RIC3: variants seen among roughly 807,000 people sequenced by gnomAD.
RIC3 encodes RIC3 acetylcholine receptor chaperone.
In RIC3, 28 loss-of-function variants were observed where a neutral mutation model predicts 27.3. That is an observed-to-expected ratio of 1.02 (90% CI 0.76 to 1.41). The LOEUF is 1.41. Among genes scored for constraint, RIC3 ranks in the 40% most tolerant of loss-of-function variants. The probability of loss-of-function intolerance (pLI) is 0.00; values close to 1 mark genes in which losing one functional copy is unlikely to be tolerated. For synonymous variants in RIC3, 184 were observed against 160.4 expected (o/e 1.15, Z -1.11); for missense variants, 501 against 444.7 (o/e 1.13, Z -1.14).
chr11:8,119,640 G>A (rs924543837), intron 5 of RIC3, among the ~76,000 whole-genome samples: 2 of 152,122 alleles, frequency 1.3e-5, no homozygotes, highest in African/African-American at 4.8e-5. Context: ...CATAGGCAAG[G>A]ACTTCATGAC....
At chr11:8,125,338 T>C (rs1395867223) in intron 5 of RIC3, among the ~76,000 whole-genome samples, 1 of 151,632 alleles carries the variant, frequency 6.6e-6, no homozygotes, top group Non-Finnish European at 1.5e-5. Flanking sequence ...CTTTGAAAGA[T>C]GCTGTTAAGA....
chr11:8,154,411 A>G (rs1950493593), intron 1 of RIC3, among the ~76,000 whole-genome samples: 1 of 152,230 alleles, frequency 6.6e-6, no homozygotes, highest in African/African-American at 2.4e-5. Context: ...GTTGCACAAC[A>G]GTGTGAATGT....
intron 1 of RIC3, among the ~76,000 whole-genome samples, chr11:8,163,198 T>C (rs75933020): frequency 0.013 from 1,948 of 152,132 alleles, 49 homozygotes; most frequent in African/African-American, 0.045. Context: ...CATCTCATAA[T>C]CATCTCAACA....
chr11:8,101,829 TGAAGGGATGAGAA>T, downstream of RIC3: 1 of 720,860 alleles, frequency 1.4e-6, no homozygotes, highest in Non-Finnish European at 2.2e-6. Flanking sequence ...TGGGTGGGTG[TGAAGGGATGAGAA>T]TAATTCTTTC....
chr11:8,099,725 T>C, the RIC3 span, among the ~76,000 whole-genome samples: 2 of 152,128 alleles, frequency 1.3e-5, no homozygotes, highest in Non-Finnish European at 2.9e-5. Flanking sequence ...AGATAAGAAA[T>C]GTCAAGGTAT....
At chr11:8,140,369 C>A (rs1948915100) in intron 1 of RIC3, among the ~76,000 whole-genome samples, 176 bp from the exon 2 acceptor site, 1 of 152,116 alleles carries the variant, frequency 6.6e-6, no homozygotes, top group Non-Finnish European at 1.5e-5. Flanking sequence ...ATGTGATCAT[C>A]TCTAGCTGTT....
At chr11:8,131,771 C>T (rs1947750877) in intron 4 of RIC3, among the ~76,000 whole-genome samples, 1 of 151,664 alleles carries the variant, frequency 6.6e-6, no homozygotes, top group African/African-American at 2.4e-5. Context: ...CGTGGTGGCA[C>T]ATGCCTGTAG....
chr11:8,122,094 C>CT (rs1246041207), intron 5 of RIC3, among the ~76,000 whole-genome samples: 5 of 152,114 alleles, frequency 3.3e-5, no homozygotes, highest in Admixed American at 1.3e-4. Context: ...CCCATGTACC[C>CT]TTTATCCAGT....
chr11:8,163,067 A>G (rs557963636), intron 1 of RIC3, among the ~76,000 whole-genome samples: 1 of 134,034 alleles, frequency 7.5e-6, no homozygotes, highest in African/African-American at 2.9e-5. Context: ...ACACACACAC[A>G]CCCCCCAAAA....
At chr11:8,094,466 C>T in the RIC3 span, among the ~76,000 whole-genome samples, 1 of 152,218 alleles carries the variant, frequency 6.6e-6, no homozygotes, top group Non-Finnish European at 1.5e-5. Flanking sequence ...ACCTCAGCTA[C>T]CTTGGCCTGA....
rs1047706467 is a variant in RIC3, at chr11:8,108,409, C to T, written c.*2289G>A. ...AATTTATCTTTCCTGTAGTTTTGGG[C>T]CCATGTCTGAATTACAGCATAGCCC... is the stretch of plus-strand genomic sequence containing the variant. On this transcript the variant is annotated 3_prime_UTR_variant, in exon 6 of 6. Transcript: ENST00000309737. The T allele has an allele frequency of 6.6e-6, 1 of 152,134 alleles. No homozygotes were observed. The highest frequency in any genetic ancestry group is 6.6e-5 in the Admixed American group (1 of 15,266). The allele number at this position is 152,134 out of a possible 1,614,324, so 9.4% of individuals were successfully genotyped here.
At chr11:8,112,138 A>G (rs2134046904) in intron 5 of RIC3, among the ~76,000 whole-genome samples, 1 of 152,344 alleles carries the variant, frequency 6.6e-6, no homozygotes, top group South Asian at 2.1e-4. Context: ...TAAAAATCAT[A>G]CAGACTCATT....
At chr11:8,151,955 T>C (rs1451243524) in intron 1 of RIC3, among the ~76,000 whole-genome samples, 2 of 150,118 alleles carry the variant, frequency 1.3e-5, no homozygotes, top group Non-Finnish European at 3.0e-5. Flanking sequence ...TGAATAGACA[T>C]TTCTCCAAGG....
chr11:8,096,633 G>A, the RIC3 span: 3 of 1,217,732 alleles, frequency 2.5e-6, no homozygotes, highest in African/African-American at 4.5e-5. Flanking sequence ...GTATTTCAGG[G>A]GCAGCGTAGA....
intron 1 of RIC3, among the ~76,000 whole-genome samples, chr11:8,159,836 CA>C (rs1347769728): frequency 6.6e-6 from 1 of 151,520 alleles, no homozygotes; most frequent in African/African-American, 2.4e-5. Flanking sequence ...ACTAAAAATA[CA>C]AAAAAAATTA....
the RIC3 span, chr11:8,100,360 C>T: frequency 5.5e-3 from 3,706 of 674,324 alleles, 24 homozygotes; most frequent in African/African-American, 9.7e-3. Flanking sequence ...CAGTTCTGGC[C>T]GTGTTAGGTT....
rs909862846 is a variant in RIC3, at chr11:8,140,004, A to G, written c.314T>C (p.Phe105Ser). 1 of 1,613,988 alleles carries G rather than the reference A, an allele frequency of 6.2e-7. No homozygotes were observed. The highest frequency in any genetic ancestry group is 8.5e-7 in the Non-Finnish European group (1 of 1,180,028). Residue 105 changes from phenylalanine to serine, a missense_variant, in exon 2 of 6, where the codon TTT becomes TCT. Phe to Ser is a radical substitution (Grantham distance 155). Transcript: ENST00000309737. ...LMGQIIPIYG[F>S]GIFLYILYIL... ...GTACAGTATATATAAAAAAATCCCA[A>G]AACCGTAGATTGGAATAATCTGCCC...
intron 5 of RIC3, among the ~76,000 whole-genome samples, chr11:8,123,530 T>C (rs533968076): frequency 6.6e-6 from 1 of 152,294 alleles, no homozygotes; most frequent in African/African-American, 2.4e-5. Flanking sequence ...GGATCAAGAA[T>C]AGAAGAGGGT....
At chr11:8,120,187 T>C (rs1444276590) in intron 5 of RIC3, among the ~76,000 whole-genome samples, 1 of 152,274 alleles carries the variant, frequency 6.6e-6, no homozygotes, top group East Asian at 1.9e-4. Context: ...ATCCCATTAC[T>C]GGGTATATAC....
Sources: allele counts gnomAD v4.1 joint callset (sites outside exome capture counted in the v4.1 genomes callset), GRCh38; gene constraint gnomAD v4.1.1; transcripts MANE v1.5; gene names NCBI Gene and HGNC (gene_info 2026-07-23, HGNC 2026-07-21).